Variants in ATP2A2 observed in about 807,000 individuals in gnomAD.
ATP2A2 encodes the protein sarcoplasmic/endoplasmic reticulum calcium ATPase 2.
ATP2A2 carries 14 observed loss-of-function variants against 109.3 expected under a neutral mutation model. That is an observed-to-expected ratio of 0.13 (90% confidence interval 0.08 to 0.20). The LOEUF (loss-of-function observed/expected upper bound fraction) is 0.20, where lower values mean the gene tolerates loss of function less well. Ranked by LOEUF, ATP2A2 falls within the 10% of genes least tolerant of loss-of-function variation. The pLI is 1.00. For synonymous variants in ATP2A2, 506 were observed against 490.9 expected (o/e 1.03, Z -0.41); for missense variants, 657 against 1,321.6 (o/e 0.50, Z 7.80).
Position 110,347,152 on chromosome 12 carries a change from G to T in ATP2A2, c.*682G>T, listed in dbSNP as rs1879953951. 1 of 1,184,760 alleles carries T rather than the reference G, an allele frequency of 8.4e-7. No homozygotes were observed. Among genetic ancestry groups the T allele is most frequent in the Non-Finnish European group, 1.1e-6 (1 of 941,094 alleles). 73.4% of individuals were successfully genotyped at this position (1,184,760 alleles called of 1,614,324 possible). A position where few individuals can be genotyped will look rare whatever the true frequency, so the allele number is the denominator to read the frequency against. ...TGTACTCGCTTGTGCAGAAAACATT[G>T]TTCCAGATTCAATCGACTGGGTTTA... On this transcript the variant is annotated 3_prime_UTR_variant, in exon 20 of 20. Transcript: ENST00000539276.
intron 5 of ATP2A2, among the ~76,000 whole-genome samples, chr12:110,300,082 C>T (rs888599628): frequency 2.7e-5 from 4 of 150,320 alleles, no homozygotes; most frequent in African/African-American, 9.9e-5. Context: ...GTCAGTCTGT[C>T]CGTCCGTCTG....
At position 110,342,576 on chromosome 12, in the gene ATP2A2, T is replaced by C; in HGVS notation, c.2318+128T>C. 2 of 1,130,344 alleles carry C rather than the reference T, an allele frequency of 1.8e-6. No homozygotes were observed. Among genetic ancestry groups the C allele is most frequent in the Non-Finnish European group, 2.6e-6 (2 of 769,864 alleles). 70.0% of individuals were successfully genotyped at this position (1,130,344 alleles called of 1,614,324 possible). On this transcript the variant is annotated intron_variant, in intron 15 of 19. Coordinates refer to ENST00000539276, the MANE Select transcript of ATP2A2 (RefSeq NM_170665.4). This position sits in a 1 kb window ranked among gnomAD's most constrained non-coding sequence, Gnocchi z 4.6. ...TTGTGCCTGAGTTGGAAGAGGGGAGTGGGCAAGACAGAAATGCCTTATGGA... is the reference window on the plus strand; with the variant it reads ...TTGTGCCTGAGTTGGAAGAGGGGAGCGGGCAAGACAGAAATGCCTTATGGA...
chr12:110,309,675 G>A (rs925774098), intron 5 of ATP2A2, among the ~76,000 whole-genome samples: 4 of 152,036 alleles, frequency 2.6e-5, no homozygotes, highest in African/African-American at 9.7e-5. Flanking sequence ...GGAGGCCAAG[G>A]CATGCAGATC....
chr12:110,312,244 A>G (rs148511358), intron 5 of ATP2A2, among the ~76,000 whole-genome samples: 17 of 152,218 alleles, frequency 1.1e-4, no homozygotes, highest in Admixed American at 4.6e-4. Flanking sequence ...GCTTAGATCA[A>G]TGTTTCTCTA....
intron 9 of ATP2A2, 83 bp downstream of exon 9, chr12:110,332,768 A>C: frequency 8.1e-7 from 1 of 1,238,278 alleles, no homozygotes; most frequent in South Asian, 1.2e-5. Flanking sequence ...TACAAAGTTA[A>C]GACAGCTTTC....
In ATP2A2 at chr12:110,340,614, A is replaced by AAC; in HGVS notation, c.1762-44_1762-43dup. On this transcript the variant is annotated intron_variant, in intron 13 of 19. Transcript: ENST00000539276. This position sits in a 1 kb window ranked among gnomAD's most constrained non-coding sequence, Gnocchi z 6.0. ...GGCATTTTTCAAACTAGGGGACAAA[A>AAC]ACTAGAACTTGCCACTTTTATTTAA... 6.2e-7 allele frequency: 1 copy of AAC among 1,605,556 alleles called. No homozygotes were observed. Among genetic ancestry groups the AAC allele is most frequent in the Non-Finnish European group, 8.5e-7 (1 of 1,172,858 alleles).
chr12:110,336,406 C>G (rs1240888366), intron 11 of ATP2A2, among the ~76,000 whole-genome samples: 1 of 152,152 alleles, frequency 6.6e-6, no homozygotes. Context: ...TGTCATAAGC[C>G]CTTTCATCCC....
chr12:110,293,041 T>A (rs1483518884), intron 4 of ATP2A2, among the ~76,000 whole-genome samples: 1 of 152,170 alleles, frequency 6.6e-6, no homozygotes, highest in Non-Finnish European at 1.5e-5. Context: ...TTTTAGGTAT[T>A]TGACGGATAT....
At chr12:110,296,311 A>G (rs1873955162) in intron 4 of ATP2A2, 2 of 396,594 alleles carry the variant, frequency 5.0e-6, no homozygotes, top group Middle Eastern at 7.9e-4. Context: ...GGATTTGGCT[A>G]AAGGTGAAAG....
intron 4 of ATP2A2, among the ~76,000 whole-genome samples, chr12:110,293,381 T>TG (rs1294844660): frequency 4.1e-4 from 50 of 121,616 alleles, no homozygotes; most frequent in African/African-American, 1.6e-3. Context: ...TTTTTTTTTT[T>TG]TTTTTTTGTT....
intron 5 of ATP2A2, among the ~76,000 whole-genome samples, chr12:110,300,206 A>T (rs1332565194): frequency 2.0e-4 from 18 of 92,122 alleles, no homozygotes; most frequent in South Asian, 3.5e-4. Flanking sequence ...TTTTTTTTTA[A>T]CTTGGAGACA....
chr12:110,281,049 C>T (rs1483145103), upstream of ATP2A2: 1 of 151,506 alleles, frequency 6.6e-6, no homozygotes, highest in Non-Finnish European at 1.5e-5. Context: ...CGCGCGGCCT[C>T]GATCCGGGTT....
At chr12:110,285,096 C>T (rs542845458) in intron 3 of ATP2A2, among the ~76,000 whole-genome samples, 1 of 152,124 alleles carries the variant, frequency 6.6e-6, no homozygotes, top group South Asian at 2.1e-4. Context: ...GTCATCAAGT[C>T]ATGCTTAAAT....
At chr12:110,287,714 A>C (rs999447976) in intron 3 of ATP2A2, among the ~76,000 whole-genome samples, 1 of 152,118 alleles carries the variant, frequency 6.6e-6, no homozygotes, top group East Asian at 1.9e-4. Context: ...TCCCAGCTTC[A>C]AGTGATTCTC....
At chr12:110,288,193 C>T (rs1229301087) in intron 3 of ATP2A2, among the ~76,000 whole-genome samples, 1 of 148,020 alleles carries the variant, frequency 6.8e-6, no homozygotes, top group Non-Finnish European at 1.5e-5. Context: ...TCATTATAAC[C>T]TCAAACTCCT....
At position 110,347,430 on chromosome 12, in the gene ATP2A2, G is replaced by A. The variant is rs1879985671; in HGVS notation, c.*960G>A. The A allele has an allele frequency of 2.3e-6, 3 of 1,288,994 alleles. No individual in the cohort carries two copies. Among genetic ancestry groups the A allele is most frequent in the Non-Finnish European group, 3.0e-6 (3 of 988,672 alleles). The allele number at this position is 1,288,994 out of a possible 1,614,324, so 79.8% of individuals were successfully genotyped here. On this transcript the variant is annotated 3_prime_UTR_variant, in exon 20 of 20. Coordinates refer to ENST00000539276, the MANE Select transcript of ATP2A2 (RefSeq NM_170665.4). ...AACTTTAGTTGTACTCTGCTTGAGG[G>A]GAAGAAGGCTCCTGCTCTGCTGTGT...
At chr12:110,343,566 CT>C in intron 16 of ATP2A2, 132 bp downstream of exon 16, 1 of 1,043,088 alleles carries the variant, frequency 9.6e-7, no homozygotes, top group Non-Finnish European at 1.4e-6. Flanking sequence ...GAGATGCCCT[CT>C]TACAGTTCGA....
In ATP2A2 at chr12:110,282,808, A is replaced by G. The variant is rs759060913; in HGVS notation, c.219+13A>G. 2 of 1,603,532 alleles carry G rather than the reference A, an allele frequency of 1.2e-6. No homozygotes were observed. Among genetic ancestry groups the G allele is most frequent in the Admixed American group, 1.7e-5 (1 of 59,908 alleles). ...ATGTATATCTTTTGTAAGTATAAAA[A>G]AATTTATTTTCTTTCCCCCCAAAAG... On this transcript the variant is annotated intron_variant, in intron 3 of 19. Coordinates refer to ENST00000539276, the MANE Select transcript of ATP2A2 (RefSeq NM_170665.4).
At chr12:110,287,984 C>T (rs1301858346) in intron 3 of ATP2A2, among the ~76,000 whole-genome samples, 5 of 150,476 alleles carry the variant, frequency 3.3e-5, no homozygotes, top group Non-Finnish European at 5.9e-5. Context: ...TGTCGCCCAG[C>T]GGGTAAATGC....
Sources: gnomAD v4.1 joint callset for allele counts (sites outside exome capture counted in the v4.1 genomes callset) on GRCh38, gnomAD v4.1.1 for gene constraint, Gnocchi (gnomAD v3.1) non-coding constraint, MANE v1.5 for transcripts, NCBI Gene and HGNC (gene_info 2026-07-23, HGNC 2026-07-21) for gene names.